The following EXOC4 variants were observed in gnomAD, a reference collection of about 807,000 sequenced individuals.
The protein encoded by EXOC4 is SEC8-like 1.
EXOC4 carries 71 observed loss-of-function variants against 107.2 expected under a neutral mutation model. The observed-to-expected ratio is 0.66, with a 90% confidence interval of 0.55 to 0.81. The LOEUF (loss-of-function observed/expected upper bound fraction) is 0.81. Ranked by LOEUF, EXOC4 falls within the 30% of genes least tolerant of loss-of-function variation. The pLI, the probability that EXOC4 is intolerant of heterozygous loss-of-function variation, is 0.00. For synonymous variants in EXOC4, 456 were observed against 441.2 expected (o/e 1.03, Z -0.42); for missense variants, 1,108 against 1,189.6 (o/e 0.93, Z 1.01).
intron 11 of EXOC4, among the ~76,000 whole-genome samples, chr7:133,875,693 C>T (rs1227397396): frequency 6.6e-6 from 1 of 152,120 alleles, no homozygotes; most frequent in Non-Finnish European, 1.5e-5. Context: ...TCTCCAATGA[C>T]AGTCTTTCTT....
chr7:133,705,734 T>C (rs1185125609), intron 10 of EXOC4, among the ~76,000 whole-genome samples: 1 of 152,170 alleles, frequency 6.6e-6, no homozygotes, highest in Non-Finnish European at 1.5e-5. Flanking sequence ...AAGTGACTAA[T>C]GGACAGGTAG....
chr7:134,084,709 T>TAAAAAAAAAAAA, the EXOC4 span, among the ~76,000 whole-genome samples: 1 of 83,174 alleles, frequency 1.2e-5, no homozygotes, highest in African/African-American at 5.0e-5. Flanking sequence ...GGTGCAGCCG[T>TAAAAAAAAAAAA]AAAAAAAAAA....
intron 9 of EXOC4, among the ~76,000 whole-genome samples, chr7:133,494,467 T>A (rs911698016): frequency 3.3e-5 from 5 of 152,250 alleles, no homozygotes; most frequent in Admixed American, 3.3e-4. Flanking sequence ...AGCAAGGCAA[T>A]TGATGGGATG....
intron 7 of EXOC4, among the ~76,000 whole-genome samples, chr7:133,446,111 C>A (rs1220120262): frequency 6.6e-6 from 1 of 151,624 alleles, no homozygotes; most frequent in African/African-American, 2.4e-5. Context: ...CAAGCAGAGT[C>A]CTTCCTCTTT....
chr7:133,984,249 C>T (rs73156971), intron 14 of EXOC4, among the ~76,000 whole-genome samples: 51 of 152,280 alleles, frequency 3.3e-4, no homozygotes, highest in African/African-American at 9.4e-4. Context: ...TCTTGGCTCA[C>T]GACTGGCCTC....
chr7:133,467,755 T>G (rs568256669), intron 7 of EXOC4, among the ~76,000 whole-genome samples: 1 of 150,534 alleles, frequency 6.6e-6, no homozygotes, highest in African/African-American at 2.5e-5. Flanking sequence ...CCTTCATTTT[T>G]TTTTGTTTGT....
At chr7:133,379,370 ATCTC>A (rs764295614) in intron 7 of EXOC4, among the ~76,000 whole-genome samples, 17 of 152,008 alleles carry the variant, frequency 1.1e-4, no homozygotes, top group Non-Finnish European at 1.9e-4. Context: ...AAAAATATGT[ATCTC>A]TCCCCTTTTA....
chr7:133,838,547 C>T (rs1274935527), intron 11 of EXOC4, among the ~76,000 whole-genome samples: 1 of 152,112 alleles, frequency 6.6e-6, no homozygotes, highest in Non-Finnish European at 1.5e-5. Context: ...TATACCAGTG[C>T]TTCTAAAGTT....
chr7:133,984,017 A>G (rs950345456), intron 14 of EXOC4, among the ~76,000 whole-genome samples: 5 of 152,170 alleles, frequency 3.3e-5, no homozygotes, highest in African/African-American at 1.2e-4. Flanking sequence ...ATCAATCGTA[A>G]TGTTTCTCCC....
intron 7 of EXOC4, among the ~76,000 whole-genome samples, chr7:133,396,819 A>C (rs1202089123): frequency 6.6e-6 from 1 of 152,192 alleles, no homozygotes; most frequent in Non-Finnish European, 1.5e-5. Flanking sequence ...TTTCAAGGTC[A>C]TTATCCCCTT....
intron 13 of EXOC4, among the ~76,000 whole-genome samples, chr7:133,933,078 A>G (rs890565063): frequency 2.7e-5 from 4 of 150,888 alleles, no homozygotes; most frequent in Non-Finnish European, 4.4e-5. Flanking sequence ...CTTTCCTTTC[A>G]GTAGCTAACA....
At chr7:133,980,370 C>G (rs1306707267) in intron 14 of EXOC4, among the ~76,000 whole-genome samples, 1 of 152,246 alleles carries the variant, frequency 6.6e-6, no homozygotes, top group East Asian at 1.9e-4. Flanking sequence ...GTGCTGAGCA[C>G]TTACTGTGTG....
chr7:133,881,268 C>T (rs538913032), intron 11 of EXOC4, among the ~76,000 whole-genome samples: 2 of 151,550 alleles, frequency 1.3e-5, no homozygotes, highest in African/African-American at 4.9e-5. Context: ...ACATACCCCC[C>T]CAACCCCACT....
intron 9 of EXOC4, among the ~76,000 whole-genome samples, chr7:133,504,105 G>GT (rs748612478): frequency 6.6e-6 from 1 of 152,000 alleles, no homozygotes; most frequent in Non-Finnish European, 1.5e-5. Flanking sequence ...GGAAAACAAT[G>GT]TAACAACTTT....
intron 1 of EXOC4, among the ~76,000 whole-genome samples, chr7:133,256,026 G>T (rs1169558365): frequency 3.3e-5 from 5 of 150,616 alleles, no homozygotes; most frequent in African/African-American, 1.2e-4. Context: ...CTGTCGCCCA[G>T]GCTGGAGTGC....
At chr7:133,378,039 G>T (rs940043308) in intron 7 of EXOC4, among the ~76,000 whole-genome samples, 1 of 151,820 alleles carries the variant, frequency 6.6e-6, no homozygotes, top group Non-Finnish European at 1.5e-5. Flanking sequence ...AGCCATGCGC[G>T]ATGGCTCATG....
chr7:133,829,533 C>T (rs778705201), intron 11 of EXOC4, among the ~76,000 whole-genome samples: 90 of 152,212 alleles, frequency 5.9e-4, no homozygotes, highest in African/African-American at 1.9e-3. Context: ...TGAGCCACAA[C>T]GGTGTGCTGA....
intron 11 of EXOC4, among the ~76,000 whole-genome samples, chr7:133,871,980 T>A (rs1798760378): frequency 6.6e-6 from 1 of 152,130 alleles, no homozygotes; most frequent in Non-Finnish European, 1.5e-5. Flanking sequence ...CTTCCTTATG[T>A]GCTAATGTTC....
chr7:133,838,560 A>C (rs1388438000), intron 11 of EXOC4, among the ~76,000 whole-genome samples: 2 of 152,168 alleles, frequency 1.3e-5, no homozygotes, highest in Non-Finnish European at 2.9e-5. Flanking sequence ...CTAAAGTTTT[A>C]ATATTCACTT....
Sources: gnomAD v4.1 joint callset for allele counts (sites outside exome capture counted in the v4.1 genomes callset) on GRCh38, gnomAD v4.1.1 for gene constraint, MANE v1.5 for transcripts, NCBI Gene and HGNC (gene_info 2026-07-23, HGNC 2026-07-21) for gene names.